Variants in LMF1 observed in about 807,000 individuals in gnomAD.
LMF1 encodes the protein transmembrane protein 112.
LMF1 carries 68 observed loss-of-function variants against 60.6 expected under a neutral mutation model. The ratio of observed to expected loss-of-function variants is 1.12; its 90% confidence interval spans 0.92 to 1.37. The LOEUF (loss-of-function observed/expected upper bound fraction) is 1.37, where lower values mean the gene tolerates loss of function less well. Among genes scored for constraint, LMF1 ranks in the 40% most tolerant of loss-of-function variants. The pLI, the probability that LMF1 is intolerant of heterozygous loss-of-function variation, is 0.00. For missense variants in LMF1, 948 were observed against 767.2 expected, an observed-to-expected ratio of 1.24 and a Z score of -2.78; for synonymous variants, 418 against 324.7, an observed-to-expected ratio of 1.29 and a Z score of -3.09.
chr16:855,066 C>T (rs2069149843), intron 10 of LMF1: 1 of 360,890 alleles, frequency 2.8e-6, no homozygotes, highest in Non-Finnish European at 5.3e-6. Flanking sequence ...AGTTTGAGCC[C>T]CAAGTGTCCC....
At chr16:938,641 C>T (rs1177074810) in intron 2 of LMF1, among the ~76,000 whole-genome samples, 2 of 152,328 alleles carry the variant, frequency 1.3e-5, no homozygotes, top group South Asian at 4.1e-4. Context: ...AAGTCCAGGT[C>T]CCAGGGCTGT....
At chr16:929,822 A>G (rs546872112) in intron 3 of LMF1, among the ~76,000 whole-genome samples, 1 of 152,374 alleles carries the variant, frequency 6.6e-6, no homozygotes, top group East Asian at 1.9e-4. Flanking sequence ...ACGCAGCTTC[A>G]TCCTGCTCAG....
chr16:879,446 G>C (rs2070094810), intron 6 of LMF1, 124 bp downstream of exon 6: 2 of 1,161,896 alleles, frequency 1.7e-6, no homozygotes, highest in Middle Eastern at 2.9e-4. Context: ...GGGGAGGACA[G>C]GCTGTCCCCA....
intron 4 of LMF1, among the ~76,000 whole-genome samples, chr16:907,604 G>C (rs1224662816): frequency 6.6e-6 from 1 of 152,180 alleles, no homozygotes; most frequent in East Asian, 1.9e-4. Flanking sequence ...CCAGGCCACA[G>C]AACCACAGGT....
intron 1 of LMF1, chr16:980,136 G>C (rs1015309997): frequency 2.1e-4 from 52 of 250,888 alleles, no homozygotes; most frequent in Admixed American, 4.0e-4. Context: ...CCTGGCTGCA[G>C]AGATGAGACC....
chr16:930,896 G>A (rs904724563), intron 3 of LMF1, among the ~76,000 whole-genome samples: 15 of 152,214 alleles, frequency 9.9e-5, no homozygotes, highest in East Asian at 5.8e-4. Flanking sequence ...TGAGGTGGGC[G>A]GGTTACCTGA....
chr16:954,127 T>C lies in LMF1; in HGVS notation c.503+230A>G, dbSNP rs2072602528. 16 of 659,048 alleles carry C rather than the reference T, an allele frequency of 2.4e-5. No homozygotes were observed. In the Admixed American group the frequency reaches 3.3e-4, roughly 14 times the overall value. 40.8% of individuals were successfully genotyped at this position (659,048 alleles called of 1,614,324 possible). A position where few individuals can be genotyped will look rare whatever the true frequency, so the allele number is the denominator to read the frequency against. Reference sequence around the variant, plus strand: ...CCAGTAAGCTGGCAACGCAGTCCTTTAAGTAAGGAAGAGCTACTGCAAAGA... The same window carrying C: ...CCAGTAAGCTGGCAACGCAGTCCTTCAAGTAAGGAAGAGCTACTGCAAAGA... On this transcript the variant is annotated intron_variant, in intron 2 of 10. Transcript: ENST00000262301.
At chr16:893,367 T>C (rs1274729668) in intron 4 of LMF1, 1 of 527,940 alleles carries the variant, frequency 1.9e-6, no homozygotes, top group Admixed American at 2.2e-5. Flanking sequence ...ATCATCACGC[T>C]ACAGAAGTTG....
At chr16:975,737 A>G (rs2073123858), upstream of LMF1, 1 of 444,178 alleles carries the variant, frequency 2.3e-6, no homozygotes, top group Admixed American at 2.4e-5. Flanking sequence ...CGCTCAGAAA[A>G]ATAAATACTT....
intron 1 of LMF1, among the ~76,000 whole-genome samples, chr16:960,202 G>A (rs574323259): frequency 7.2e-5 from 11 of 152,346 alleles, no homozygotes; most frequent in South Asian, 2.1e-4. Flanking sequence ...GCATCCCTGC[G>A]GGGAAGGAGG....
At chr16:896,861 G>A (rs909880679) in intron 4 of LMF1, among the ~76,000 whole-genome samples, 3 of 152,128 alleles carry the variant, frequency 2.0e-5, no homozygotes, top group African/African-American at 7.2e-5. Context: ...AGGAGTGGAG[G>A]ATAATTATAT....
In LMF1 at chr16:854,395, C is replaced by T. The variant is rs147193806; in HGVS notation, c.*137G>A. On this transcript the variant is annotated 3_prime_UTR_variant, in exon 11 of 11. Coordinates refer to ENST00000262301, the MANE Select transcript of LMF1 (RefSeq NM_022773.4). Reference sequence around the variant, plus strand: ...GACAACAGACCCCACCCTGGACCCCCGTGCTGGGGGCTGGGTCCCACCGCT... The same window carrying T: ...GACAACAGACCCCACCCTGGACCCCTGTGCTGGGGGCTGGGTCCCACCGCT... 1,898 of 914,578 alleles carry T rather than the reference C, an allele frequency of 2.1e-3. 13 individuals carry two copies. The African/African-American group carries it at 0.024, about 12-fold the overall frequency. 56.7% of individuals were successfully genotyped at this position (914,578 alleles called of 1,614,324 possible). A position where few individuals can be genotyped will look rare whatever the true frequency, so the allele number is the denominator to read the frequency against.
chr16:963,643 C>T (rs970155450), intron 1 of LMF1, among the ~76,000 whole-genome samples: 1 of 152,094 alleles, frequency 6.6e-6, no homozygotes, highest in Non-Finnish European at 1.5e-5. Flanking sequence ...GGCTGGGGCC[C>T]CTTTCCCACA....
At chr16:894,210 TCCACTGGACTGTCCGCCCACCCGTC>T (rs1461529758) in intron 4 of LMF1, among the ~76,000 whole-genome samples, 5 of 85,344 alleles carry the variant, frequency 5.9e-5, no homozygotes, top group Non-Finnish European at 6.5e-5. Context: ...CGTCCCCCTG[TCCACTGGACTGTCCGCCCACCCGTC>T]CCCCTGTCCA....
chr16:892,216 C>T (rs371203375), intron 5 of LMF1, among the ~76,000 whole-genome samples: 42 of 152,320 alleles, frequency 2.8e-4, no homozygotes, highest in African/African-American at 8.4e-4. Context: ...CACTGGCTGT[C>T]GGCAGCAGGC....
intron 5 of LMF1, among the ~76,000 whole-genome samples, chr16:890,700 C>G (rs866591716): frequency 8.5e-5 from 13 of 152,344 alleles, no homozygotes; most frequent in Middle Eastern, 3.4e-3. Flanking sequence ...GTGTCTGGGC[C>G]TCTTTTAAGG....
chr16:860,825 A>G (rs1434114650), intron 10 of LMF1, among the ~76,000 whole-genome samples: 1 of 152,138 alleles, frequency 6.6e-6, no homozygotes, highest in Non-Finnish European at 1.5e-5. Context: ...GTTGTGTTCC[A>G]TGGAATTGCA....
chr16:975,014 CA>C (rs2073108598), upstream of LMF1, among the ~76,000 whole-genome samples: 2 of 151,558 alleles, frequency 1.3e-5, no homozygotes, highest in African/African-American at 2.4e-5. Context: ...GTCCAGCGGC[CA>C]ACCCCCCCAC....
At chr16:855,540 C>CGGA in intron 10 of LMF1, 1 of 366,704 alleles carries the variant, frequency 2.7e-6, no homozygotes, top group Non-Finnish European at 5.4e-6. Flanking sequence ...TCGGCTGCCC[C>CGGA]GGAGGAGGAG....
Sources: gnomAD v4.1 joint callset for allele counts (sites outside exome capture counted in the v4.1 genomes callset) on GRCh38, gnomAD v4.1.1 for gene constraint, MANE v1.5 for transcripts, NCBI Gene and HGNC (gene_info 2026-07-23, HGNC 2026-07-21) for gene names.